Variants in ARHGEF37 observed in about 807,000 individuals in gnomAD.
ARHGEF37 encodes the protein Rho guanine nucleotide exchange factor 37.
Under a neutral mutation model 71.1 loss-of-function variants are expected in ARHGEF37, and 55 were observed. The observed-to-expected ratio is 0.77, with a 90% CI of 0.62 to 0.97. The LOEUF is 0.97. Ranked by LOEUF, ARHGEF37 falls within the 50% of genes least tolerant of loss-of-function variation. The probability of loss-of-function intolerance (pLI) is 0.00; values close to 1 mark genes in which losing one functional copy is unlikely to be tolerated. For synonymous variants in ARHGEF37, 327 were observed against 350.6 expected (o/e 0.93, Z 0.75); for missense variants, 765 against 836.8 (o/e 0.91, Z 1.06).
Position 149,628,802 on chromosome 5 carries a change from T to A in ARHGEF37, c.1661-7T>A. 1 of 1,610,176 alleles carries A rather than the reference T, an allele frequency of 6.2e-7. No homozygotes were observed. The highest frequency in any genetic ancestry group is 8.5e-7 in the Non-Finnish European group (1 of 1,178,106). ...CGCAGCCTGCTAACCTTCTGCATGCTCCCTAGGACATCGTGGGTATGTGCC... is the reference window on the plus strand; with the variant it reads ...CGCAGCCTGCTAACCTTCTGCATGCACCCTAGGACATCGTGGGTATGTGCC... On this transcript the variant is annotated splice_region_variant and splice_polypyrimidine_tract_variant and intron_variant, in intron 11 of 12. Transcript: ENST00000333677.
At chr5:149,618,133 G>A in intron 5 of ARHGEF37, 43 bp from the exon 6 acceptor site, 1 of 1,610,922 alleles carries the variant, frequency 6.2e-7, no homozygotes, top group East Asian at 2.2e-5. Flanking sequence ...ACTTTCCTGA[G>A]TTGGCTTGAT....
chr5:149,618,310 A>T lies in ARHGEF37; in HGVS notation c.789+4A>T. ...GGAGGCGGGGCTGATCCCCAGGGTG[A>T]GCGTGCGCCTGGGAGGAAGAGTCAC... On this transcript the variant is annotated splice_donor_region_variant and intron_variant, in intron 6 of 12. Transcript: ENST00000333677. 4 of 1,614,090 alleles carry T rather than the reference A, an allele frequency of 2.5e-6. No individual in the cohort carries two copies. The highest frequency in any genetic ancestry group is 3.4e-6 in the Non-Finnish European group (4 of 1,179,986).
chr5:149,620,983 C>A (rs368646828), intron 8 of ARHGEF37, among the ~76,000 whole-genome samples: 87 of 152,302 alleles, frequency 5.7e-4, no homozygotes, highest in South Asian at 5.6e-3. Context: ...CTATGCTAAG[C>A]CCTTTATATT....
rs1210333527 is a variant in ARHGEF37, at chr5:149,633,738, G to T, written c.*1547G>T. The T allele has an allele frequency of 2.0e-5, 3 of 152,214 alleles. No individual in the cohort carries two copies. The highest frequency in any genetic ancestry group is 4.4e-5 in the Non-Finnish European group (3 of 68,044). 9.4% of individuals were successfully genotyped at this position (152,214 alleles called of 1,614,324 possible). ...AGAACATGTCTGTGTTATAACCATA[G>T]TGCCTAAGCAGTGAGCTCTGGTTTT... On this transcript the variant is annotated 3_prime_UTR_variant, in exon 13 of 13. Transcript: ENST00000333677.
At chr5:149,592,916 C>T (rs1429676141) in intron 1 of ARHGEF37, among the ~76,000 whole-genome samples, 2 of 152,078 alleles carry the variant, frequency 1.3e-5, no homozygotes, top group Admixed American at 6.6e-5. Context: ...ATTACAGGTG[C>T]CCACCACCAC....
rs1752937425 is a variant in ARHGEF37 at position 149,633,173 on chromosome 5, T to G, written c.*982T>G. The G allele has an allele frequency of 6.6e-6, 1 of 152,328 alleles. No individual in the cohort carries two copies. The highest frequency in any genetic ancestry group is 2.1e-4 in the South Asian group (1 of 4,830). 9.4% of individuals were successfully genotyped at this position (152,328 alleles called of 1,614,324 possible). On this transcript the variant is annotated 3_prime_UTR_variant, in exon 13 of 13. Coordinates refer to ENST00000333677, the MANE Select transcript of ARHGEF37 (RefSeq NM_001001669.3). ...TTAGATGTAGGACACAACTTCAGTGTTCCCATCCAGAAAGACCTCACTCAC... is the reference window on the plus strand; with the variant it reads ...TTAGATGTAGGACACAACTTCAGTGGTCCCATCCAGAAAGACCTCACTCAC...
intron 11 of ARHGEF37, 74 bp from the exon 12 acceptor site, chr5:149,628,735 C>A: frequency 6.7e-7 from 1 of 1,498,270 alleles, no homozygotes; most frequent in Non-Finnish European, 9.0e-7. Context: ...ACATTTATAT[C>A]CATGGATTTT....
At chr5:149,615,565 A>C (rs1400910791) in intron 4 of ARHGEF37, among the ~76,000 whole-genome samples, 1 of 152,096 alleles carries the variant, frequency 6.6e-6, no homozygotes, top group Non-Finnish European at 1.5e-5. Context: ...ACTTTAAATA[A>C]ATCTCTAAAA....
chr5:149,560,211 G>A (rs1300408541), intron 1 of ARHGEF37, among the ~76,000 whole-genome samples: 2 of 152,114 alleles, frequency 1.3e-5, no homozygotes, highest in Non-Finnish European at 2.9e-5. Flanking sequence ...TGCTTCCCAG[G>A]TTCAAGTGAT....
rs1580903706 is a variant in ARHGEF37, at chr5:149,597,697, A to G, written c.-11-62A>G. ...CTTGATGAGTAATTGTCATTGAATT[A>G]GAGACAGCATGTCCCAATAGTTCTT... is the stretch of plus-strand genomic sequence containing the variant. On this transcript the variant is annotated intron_variant, in intron 1 of 12. Transcript: ENST00000333677. The G allele has an allele frequency of 3.5e-6, 5 of 1,414,152 alleles. No homozygotes were observed. The East Asian group carries it at 1.3e-4, about 36-fold the overall frequency. 87.6% of individuals were successfully genotyped at this position (1,414,152 alleles called of 1,614,324 possible).
At position 149,623,966 on chromosome 5, in the gene ARHGEF37, T is replaced by C. The variant is rs77391819; in HGVS notation, c.1336-46T>C. On this transcript the variant is annotated intron_variant, in intron 9 of 12. Transcript: ENST00000333677. ...ACCCAAAGCAAGCCAGGGATCTCAT[T>C]GTCCCCTCTTGCCCAGCTCTGTTGA... 3.0e-3 allele frequency: 4,717 copies of C among 1,548,356 alleles called. 133 individuals are homozygous for C. The African/African-American group carries it at 0.057, about 19-fold the overall frequency.
At chr5:149,561,338 G>T (rs963659714) in intron 1 of ARHGEF37, among the ~76,000 whole-genome samples, 2 of 151,650 alleles carry the variant, frequency 1.3e-5, no homozygotes, top group African/African-American at 4.8e-5. Flanking sequence ...CCCTGGGGGT[G>T]GGGGAGGGGC....
chr5:149,599,020 A>G (rs1409733315), intron 2 of ARHGEF37, among the ~76,000 whole-genome samples: 2 of 152,084 alleles, frequency 1.3e-5, no homozygotes, highest in Admixed American at 1.3e-4. Context: ...GGGGGTCTGC[A>G]ACAGCCTTCT....
rs186524938 is a variant in ARHGEF37, at chr5:149,613,404, T to C, written c.459-3163T>C. On this transcript the variant is annotated intron_variant, in intron 4 of 12. Transcript: ENST00000333677. Reference sequence around the variant, plus strand: ...CTCTGTCACTCAGGCTGGAGTGCAGTGGTGCAATCTCAGCTCACTGCAACC... The same window carrying C: ...CTCTGTCACTCAGGCTGGAGTGCAGCGGTGCAATCTCAGCTCACTGCAACC... Among the ~76,000 whole-genome samples the C allele has an allele frequency of 3.1e-3, 466 of 151,302 alleles. 3 individuals carry two copies. Among genetic ancestry groups the C allele is most frequent in the African/African-American group, 0.01 (427 of 41,224 alleles).
intron 1 of ARHGEF37, among the ~76,000 whole-genome samples, chr5:149,571,984 A>C (rs1762972184): frequency 6.6e-6 from 1 of 151,984 alleles, no homozygotes; most frequent in South Asian, 2.1e-4. Context: ...TAGCATAGCC[A>C]AAACAACCCT....
At chr5:149,628,993 T>A in intron 12 of ARHGEF37, 27 bp downstream of exon 12, 1 of 1,601,516 alleles carries the variant, frequency 6.2e-7, no homozygotes, top group Non-Finnish European at 8.5e-7. Context: ...GCTGGGGGCT[T>A]GCCTCCCATC....
chr5:149,577,955 A>G (rs1763044648), upstream of ARHGEF37, among the ~76,000 whole-genome samples: 1 of 152,254 alleles, frequency 6.6e-6, no homozygotes, highest in Non-Finnish European at 1.5e-5. Context: ...TGGTGGTGAC[A>G]TTCAGTAGCC....
chr5:149,557,593 C>G (rs1200718689), intron 1 of ARHGEF37, among the ~76,000 whole-genome samples: 1 of 152,168 alleles, frequency 6.6e-6, no homozygotes, highest in Non-Finnish European at 1.5e-5. Context: ...AAGCCTCTGC[C>G]TTAGCCTCCC....
At chr5:149,621,332 G>A (rs1420399419) in intron 8 of ARHGEF37, among the ~76,000 whole-genome samples, 1 of 152,192 alleles carries the variant, frequency 6.6e-6, no homozygotes, top group Non-Finnish European at 1.5e-5. Flanking sequence ...GGGTGTGGTG[G>A]CATGTGCTAA....
Sources: allele counts gnomAD v4.1 joint callset (sites outside exome capture counted in the v4.1 genomes callset), GRCh38; gene constraint gnomAD v4.1.1; transcripts MANE v1.5; gene names NCBI Gene and HGNC (gene_info 2026-07-23, HGNC 2026-07-21).